The following UBE2D1 variants were observed in gnomAD, a reference collection of about 807,000 sequenced individuals.
The protein encoded by UBE2D1 is ubiquitin conjugating enzyme E2 D1.
Under a neutral mutation model 24.6 loss-of-function variants are expected in UBE2D1, and 9 were observed. The observed-to-expected ratio is 0.37, with a 90% confidence interval of 0.22 to 0.64. The LOEUF (loss-of-function observed/expected upper bound fraction) is 0.64, where lower values mean the gene tolerates loss of function less well. Among genes scored for constraint, UBE2D1 ranks in the 30% least tolerant of loss-of-function variants. The pLI is 0.64. For synonymous variants in UBE2D1, 57 were observed against 57.6 expected (o/e 0.99, Z 0.04); for missense variants, 87 against 177.1 (o/e 0.49, Z 2.89).
intron 1 of UBE2D1, among the ~76,000 whole-genome samples, chr10:58,337,279 C>G (rs1196020936): frequency 6.6e-6 from 1 of 152,156 alleles, no homozygotes; most frequent in Non-Finnish European, 1.5e-5. Flanking sequence ...GGAAAATCGA[C>G]TTACACAAAT....
chr10:58,349,523 A>G (rs950548834), intron 1 of UBE2D1, among the ~76,000 whole-genome samples: 2 of 152,336 alleles, frequency 1.3e-5, no homozygotes, highest in South Asian at 2.1e-4. Context: ...TCTATAATGA[A>G]TTCTTTTCAT....
At chr10:58,359,503 A>G (rs1337532129) in intron 1 of UBE2D1, among the ~76,000 whole-genome samples, 1 of 152,292 alleles carries the variant, frequency 6.6e-6, no homozygotes, top group East Asian at 1.9e-4. Flanking sequence ...CCACCCCTGT[A>G]TGTTGAACCA....
chr10:58,367,204 G>T (rs1840265180), intron 5 of UBE2D1, among the ~76,000 whole-genome samples: 1 of 152,024 alleles, frequency 6.6e-6, no homozygotes, highest in Non-Finnish European at 1.5e-5. Flanking sequence ...TGGTCCAGAG[G>T]TTCCATGAAC....
At chr10:58,338,670 C>CA (rs5785315) in intron 1 of UBE2D1, among the ~76,000 whole-genome samples, 7,730 of 150,308 alleles carry the variant, frequency 0.051, 211 homozygotes, top group East Asian at 0.093. Flanking sequence ...AACTAAAGGG[C>CA]AAAAAAAAGG....
chr10:58,364,468 T>C (rs943780401), intron 4 of UBE2D1: 10 of 204,984 alleles, frequency 4.9e-5, no homozygotes, highest in Non-Finnish European at 8.7e-5. Context: ...CCATGGTTAA[T>C]TACTTTAGAT....
chr10:58,365,867 A>G (rs191990047), intron 5 of UBE2D1, among the ~76,000 whole-genome samples: 2 of 152,328 alleles, frequency 1.3e-5, no homozygotes, highest in African/African-American at 4.8e-5. Context: ...CTACTTGAAT[A>G]TACAGCATGT....
chr10:58,360,766 T>G (rs1397661634), intron 1 of UBE2D1: 3 of 275,334 alleles, frequency 1.1e-5, no homozygotes, highest in African/African-American at 2.2e-5. Context: ...CAAATAAAAT[T>G]AGCCGGGTGT....
intron 1 of UBE2D1, among the ~76,000 whole-genome samples, chr10:58,353,260 C>T (rs1458397033): frequency 6.6e-6 from 1 of 152,128 alleles, no homozygotes; most frequent in Non-Finnish European, 1.5e-5. Flanking sequence ...TGAATAATGC[C>T]TGTTAGAAAG....
intron 1 of UBE2D1, among the ~76,000 whole-genome samples, chr10:58,346,802 G>C (rs1840022350): frequency 6.6e-6 from 1 of 152,174 alleles, no homozygotes; most frequent in Non-Finnish European, 1.5e-5. Flanking sequence ...GCAGTGTATA[G>C]GTAGAAAAAT....
chr10:58,354,430 A>ATT (rs528438394), intron 1 of UBE2D1, among the ~76,000 whole-genome samples: 14 of 146,174 alleles, frequency 9.6e-5, no homozygotes, highest in African/African-American at 2.7e-4. Context: ...TACCCCTTTA[A>ATT]TTTTTTTTTT....
At chr10:58,347,131 C>T (rs1358143507) in intron 1 of UBE2D1, among the ~76,000 whole-genome samples, 3 of 152,178 alleles carry the variant, frequency 2.0e-5, no homozygotes, top group Non-Finnish European at 4.4e-5. Context: ...TCTCCTCTGG[C>T]TTATATCAGA....
intron 1 of UBE2D1, among the ~76,000 whole-genome samples, chr10:58,359,908 A>G (rs527919095): frequency 6.6e-6 from 1 of 152,192 alleles, no homozygotes; most frequent in South Asian, 2.1e-4. Context: ...TCTCACATCT[A>G]CCACTTCTAT....
At position 58,369,882 on chromosome 10, in the gene UBE2D1, A is replaced by G. The variant is rs1840295716; in HGVS notation, c.*1117A>G. 6.6e-6 allele frequency: 1 copy of G among 152,060 alleles called. No homozygotes were observed. Among genetic ancestry groups the G allele is most frequent in the Admixed American group, 6.6e-5 (1 of 15,242 alleles). 9.4% of individuals were successfully genotyped at this position (152,060 alleles called of 1,614,324 possible). ...ATTTGTTAAAAGTACTGAAATGAGT[A>G]TAAGGCAGTATCACCCATCCAAAAG... On this transcript the variant is annotated 3_prime_UTR_variant, in exon 7 of 7. Transcript: ENST00000373910.
Position 58,335,207 on chromosome 10 carries a change from G to A in UBE2D1, c.6G>A (p.Ala2=), listed in dbSNP as rs1411240081. 2 of 1,548,084 alleles carry A rather than the reference G, an allele frequency of 1.3e-6. No individual in the cohort carries two copies. The highest frequency in any genetic ancestry group is 1.7e-6 in the Non-Finnish European group (2 of 1,149,684). Residue 2 remains alanine, a synonymous_variant, in exon 1 of 7, where the codon GCG becomes GCA. Coordinates refer to ENST00000373910, the MANE Select transcript of UBE2D1 (RefSeq NM_003338.5). M[A]LKRIQKELSD... ...CCCACCGCCATCCCTGACCCATGGC[G>A]CTGAAGAGGATTCAGAAAGTGAGTG...
At chr10:58,363,728 A>G in intron 4 of UBE2D1, 42 bp downstream of exon 4, 1 of 1,414,938 alleles carries the variant, frequency 7.1e-7, no homozygotes, top group Non-Finnish European at 9.9e-7. Flanking sequence ...CATGTAAGAG[A>G]TTTTATTCTT....
At position 58,369,791 on chromosome 10, in the gene UBE2D1, A is replaced by T; in HGVS notation, c.*1026A>T. 1 of 152,018 alleles carries T rather than the reference A, an allele frequency of 6.6e-6. No homozygotes were observed. Among genetic ancestry groups the T allele is most frequent in the East Asian group, 1.9e-4 (1 of 5,338 alleles). 9.4% of individuals were successfully genotyped at this position (152,018 alleles called of 1,614,324 possible). A position where few individuals can be genotyped will look rare whatever the true frequency, so the allele number is the denominator to read the frequency against. ...TCAGTCTATAAGATAATATATGTTG[A>T]TCCCTTGCTGTAGAGGAGAATTTAG... On this transcript the variant is annotated 3_prime_UTR_variant, in exon 7 of 7. Transcript: ENST00000373910.
chr10:58,360,967 T>A, intron 1 of UBE2D1: 1 of 463,850 alleles, frequency 2.2e-6, no homozygotes, highest in Non-Finnish European at 4.3e-6. Flanking sequence ...TTTCTGAGCC[T>A]TCATGCTCCC....
chr10:58,368,702 C>A lies in UBE2D1; in HGVS notation c.399-18C>A. On this transcript the variant is annotated intron_variant, in intron 6 of 6. Transcript: ENST00000373910. ...TAATTTTGTATGTTTTTACTATATC[C>A]TTTTTGTGTATCTACAGATACAACA... The A allele has an allele frequency of 1.3e-6, 2 of 1,547,408 alleles. No individual in the cohort carries two copies. The highest frequency in any genetic ancestry group is 2.3e-5 in the East Asian group (1 of 43,080).
chr10:58,354,042 T>G (rs1427430419), intron 1 of UBE2D1, among the ~76,000 whole-genome samples: 1 of 152,142 alleles, frequency 6.6e-6, no homozygotes, highest in Non-Finnish European at 1.5e-5. Context: ...GAGGAACAGA[T>G]GGGGGAAAGT....
Sources: allele counts gnomAD v4.1 joint callset (sites outside exome capture counted in the v4.1 genomes callset), GRCh38; gene constraint gnomAD v4.1.1; transcripts MANE v1.5; gene names NCBI Gene and HGNC (gene_info 2026-07-23, HGNC 2026-07-21).